Variants in GRID1 observed in about 807,000 individuals in gnomAD.
The protein encoded by GRID1 is glutamate ionotropic receptor delta type subunit 1.
GRID1 carries 28 observed loss-of-function variants against 98.0 expected under a neutral mutation model. That is an observed-to-expected ratio of 0.29 (90% CI 0.21 to 0.39). The LOEUF (loss-of-function observed/expected upper bound fraction) is 0.39, where lower values mean the gene tolerates loss of function less well. Among genes scored for constraint, GRID1 ranks in the 10% least tolerant of loss-of-function variants. The probability of loss-of-function intolerance (pLI) is 1.00; values close to 1 mark genes in which losing one functional copy is unlikely to be tolerated. For missense variants in GRID1, 1,111 were observed against 1,340.5 expected, an observed-to-expected ratio of 0.83 and a Z score of 2.67; for synonymous variants, 553 against 538.5, an observed-to-expected ratio of 1.03 and a Z score of -0.37.
intron 5 of GRID1, among the ~76,000 whole-genome samples, chr10:85,870,364 G>A (rs1206802952): frequency 3.9e-5 from 6 of 152,242 alleles, no homozygotes; most frequent in Non-Finnish European, 8.8e-5. Context: ...GCTGAAGGCT[G>A]CACTGTGGCT....
At chr10:85,792,670 G>T (rs1842491039) in intron 8 of GRID1, among the ~76,000 whole-genome samples, 1 of 152,132 alleles carries the variant, frequency 6.6e-6, no homozygotes, top group Non-Finnish European at 1.5e-5. Flanking sequence ...GATCCATGGG[G>T]CAGGTTCAAA....
intron 8 of GRID1, among the ~76,000 whole-genome samples, chr10:85,797,441 T>A: frequency 6.6e-6 from 1 of 151,972 alleles, no homozygotes. Context: ...ATTTATTTAC[T>A]TTTTTGAGAC....
intron 2 of GRID1, among the ~76,000 whole-genome samples, chr10:86,338,829 A>C (rs1373992806): frequency 6.6e-6 from 1 of 152,104 alleles, no homozygotes; most frequent in Non-Finnish European, 1.5e-5. Context: ...AAGTGCTAGG[A>C]TTACAGGTGT....
chr10:85,930,870 C>A (rs1841842323), intron 4 of GRID1, among the ~76,000 whole-genome samples: 1 of 152,060 alleles, frequency 6.6e-6, no homozygotes. Flanking sequence ...TAGACAGAGT[C>A]TCACTCTGTC....
intron 8 of GRID1, among the ~76,000 whole-genome samples, chr10:85,810,034 C>T (rs1842656740): frequency 6.6e-6 from 1 of 152,108 alleles, no homozygotes; most frequent in South Asian, 2.1e-4. Flanking sequence ...GGGTGTGGTG[C>T]CATCTTAAAA....
chr10:86,097,750 A>C (rs765208510), intron 4 of GRID1, among the ~76,000 whole-genome samples: 7 of 152,254 alleles, frequency 4.6e-5, no homozygotes, highest in Non-Finnish European at 8.8e-5. Flanking sequence ...GGACAGATAC[A>C]TATTGAACTC....
chr10:85,842,194 G>A (rs111814324), intron 8 of GRID1, among the ~76,000 whole-genome samples: 1 of 152,014 alleles, frequency 6.6e-6, no homozygotes, highest in South Asian at 2.1e-4. Flanking sequence ...TGGAGCTGGA[G>A]GCCATTATCC....
At chr10:85,695,534 T>G (rs1197260437) in intron 12 of GRID1, among the ~76,000 whole-genome samples, 1 of 152,130 alleles carries the variant, frequency 6.6e-6, no homozygotes, top group Admixed American at 6.5e-5. Context: ...CTGTTCAAAG[T>G]GAAACAGTAC....
chr10:86,238,029 T>C (rs1846569206), intron 2 of GRID1, among the ~76,000 whole-genome samples: 1 of 152,148 alleles, frequency 6.6e-6, no homozygotes, highest in Admixed American at 6.5e-5. Context: ...TTTGGAGGGC[T>C]CAGAAGAAAA....
intron 5 of GRID1, among the ~76,000 whole-genome samples, chr10:85,904,563 C>T (rs1841433465): frequency 1.3e-5 from 2 of 152,050 alleles, no homozygotes; most frequent in Non-Finnish European, 2.9e-5. Context: ...AGAGTGCTGA[C>T]CCAGAACTAA....
At chr10:86,189,713 G>A (rs1845774744) in intron 3 of GRID1, among the ~76,000 whole-genome samples, 1 of 152,086 alleles carries the variant, frequency 6.6e-6, no homozygotes. Flanking sequence ...ATGTTTATCA[G>A]CATCCCTGGC....
Position 85,642,463 on chromosome 10 carries a change from C to T in GRID1, c.2193+4739G>A, listed in dbSNP as rs542138824. Among the ~76,000 whole-genome samples, 12 of 152,242 alleles carry T rather than the reference C, an allele frequency of 7.9e-5. No individual in the cohort carries two copies. The South Asian group carries it at 2.5e-3, about 32-fold the overall frequency. Reference sequence around the variant, plus strand: ...GAACCCTGGAGCTATTTCTCTTGTCCCTTCCACCATGAAATCTAAAGGGGG... The same window carrying T: ...GAACCCTGGAGCTATTTCTCTTGTCTCTTCCACCATGAAATCTAAAGGGGG... On this transcript the variant is annotated intron_variant, in intron 13 of 15. Coordinates refer to ENST00000327946, the MANE Select transcript of GRID1 (RefSeq NM_017551.3).
chr10:86,281,240 G>C (rs924552773), intron 2 of GRID1, among the ~76,000 whole-genome samples: 2 of 152,208 alleles, frequency 1.3e-5, no homozygotes, highest in Non-Finnish European at 2.9e-5. Flanking sequence ...GATAAAGAGA[G>C]GCAAGAAATG....
intron 4 of GRID1, among the ~76,000 whole-genome samples, chr10:86,071,237 G>A (rs1843799645): frequency 6.6e-6 from 1 of 152,208 alleles, no homozygotes; most frequent in African/African-American, 2.4e-5. Flanking sequence ...CACTGGGACA[G>A]CAGGGAAATG....
intron 5 of GRID1, among the ~76,000 whole-genome samples, chr10:85,909,880 T>C (rs1487478198): frequency 6.6e-6 from 1 of 152,196 alleles, no homozygotes; most frequent in African/African-American, 2.4e-5. Flanking sequence ...TAACAACTTG[T>C]ACACTTAAGT....
At chr10:86,247,795 G>A (rs1214740748) in intron 2 of GRID1, among the ~76,000 whole-genome samples, 3 of 152,174 alleles carry the variant, frequency 2.0e-5, no homozygotes, top group Non-Finnish European at 4.4e-5. Flanking sequence ...ACCCAGCCAT[G>A]AACTAGAGAG....
intron 4 of GRID1, among the ~76,000 whole-genome samples, chr10:86,068,508 A>G (rs1843752095): frequency 6.6e-6 from 1 of 152,172 alleles, no homozygotes; most frequent in South Asian, 2.1e-4. Context: ...TCTGATTCCC[A>G]ATTATAAAAC....
chr10:86,276,968 A>T (rs954005887), intron 2 of GRID1, among the ~76,000 whole-genome samples: 7 of 152,240 alleles, frequency 4.6e-5, no homozygotes, highest in Non-Finnish European at 8.8e-5. Context: ...GTCACCAAGG[A>T]CAAATATTGT....
intron 4 of GRID1, among the ~76,000 whole-genome samples, chr10:85,997,491 T>C (rs1233515569): frequency 6.6e-6 from 1 of 152,084 alleles, no homozygotes; most frequent in Non-Finnish European, 1.5e-5. Flanking sequence ...GCACTTAAAG[T>C]GGCAAATTAT....
Sources: allele counts gnomAD v4.1 joint callset (sites outside exome capture counted in the v4.1 genomes callset), GRCh38; gene constraint gnomAD v4.1.1; transcripts MANE v1.5; gene names NCBI Gene and HGNC (gene_info 2026-07-23, HGNC 2026-07-21).